The following UVRAG variants were observed in gnomAD, a reference collection of about 807,000 sequenced individuals.
UVRAG encodes the protein UV radiation resistance associated, also known as UV radiation resistance-associated gene protein.
Under a neutral mutation model 78.0 loss-of-function variants are expected in UVRAG, and 19 were observed. The observed-to-expected ratio is 0.24, with a 90% CI of 0.17 to 0.36. The LOEUF (loss-of-function observed/expected upper bound fraction) is 0.36. Ranked by LOEUF, UVRAG falls within the 10% of genes least tolerant of loss-of-function variation. UVRAG has a pLI of 1.00. For missense variants in UVRAG, 740 were observed against 853.8 expected, an observed-to-expected ratio of 0.87 and a Z score of 1.66; for synonymous variants, 323 against 324.6, an observed-to-expected ratio of 1.00 and a Z score of 0.05.
intron 14 of UVRAG, among the ~76,000 whole-genome samples, chr11:76,130,849 C>T (rs1005499343): frequency 6.6e-6 from 1 of 152,120 alleles, no homozygotes; most frequent in Non-Finnish European, 1.5e-5. Flanking sequence ...TTTAATTTCC[C>T]TATCGAGTTC....
chr11:76,137,436 TC>T, intron 14 of UVRAG: 1 of 456,296 alleles, frequency 2.2e-6, no homozygotes, highest in Non-Finnish European at 4.4e-6. Context: ...CTTTTCTTGT[TC>T]AACTTTTTTA....
intron 12 of UVRAG, among the ~76,000 whole-genome samples, chr11:76,056,984 T>A (rs910599172): frequency 6.6e-6 from 1 of 152,092 alleles, no homozygotes; most frequent in Non-Finnish European, 1.5e-5. Context: ...AAACAGAGAA[T>A]AGCAAGTTCA....
chr11:76,120,185 C>A (rs1419354669), intron 14 of UVRAG, among the ~76,000 whole-genome samples: 1 of 152,206 alleles, frequency 6.6e-6, no homozygotes, highest in East Asian at 1.9e-4. Flanking sequence ...AATGCAAATT[C>A]ATTTTAAGAA....
intron 2 of UVRAG, among the ~76,000 whole-genome samples, chr11:75,856,569 C>T (rs1424846769): frequency 4.6e-5 from 7 of 152,086 alleles, no homozygotes; most frequent in South Asian, 2.1e-4. Context: ...CTCAGCCTCC[C>T]GAGTAGCTGG....
chr11:75,865,811 C>T (rs887267185), intron 3 of UVRAG, among the ~76,000 whole-genome samples: 5 of 152,096 alleles, frequency 3.3e-5, no homozygotes, highest in East Asian at 1.9e-4. Context: ...GACAGGATTT[C>T]GCCATGTTGG....
chr11:75,930,345 T>G (rs928064528), intron 6 of UVRAG, among the ~76,000 whole-genome samples: 1 of 152,226 alleles, frequency 6.6e-6, no homozygotes, highest in African/African-American at 2.4e-5. Context: ...AATTCCTTTC[T>G]TTTTTGTTGA....
At chr11:76,086,920 T>C (rs1417314455) in intron 13 of UVRAG, among the ~76,000 whole-genome samples, 1 of 152,248 alleles carries the variant, frequency 6.6e-6, no homozygotes, top group Admixed American at 6.5e-5. Flanking sequence ...TGTTGCTGTT[T>C]ATAGCAAGAA....
intron 3 of UVRAG, chr11:75,878,540 G>T (rs1352426705): frequency 2.8e-5 from 5 of 180,920 alleles, no homozygotes; most frequent in African/African-American, 4.8e-5. Flanking sequence ...AGCGAGCCGA[G>T]ATCACGCCAC....
chr11:75,983,156 T>A (rs1466200544), intron 7 of UVRAG, among the ~76,000 whole-genome samples: 1 of 152,160 alleles, frequency 6.6e-6, no homozygotes, highest in Non-Finnish European at 1.5e-5. Flanking sequence ...TTGTGTAGTG[T>A]CTGTTGGGTC....
intron 14 of UVRAG, among the ~76,000 whole-genome samples, chr11:76,138,974 A>G (rs894796358): frequency 1.3e-5 from 2 of 152,252 alleles, no homozygotes; most frequent in African/African-American, 4.8e-5. Context: ...TATTAACTAT[A>G]AACCTAGATC....
Position 75,934,663 on chromosome 11 carries a change from A to G in UVRAG, c.593+22624A>G, listed in dbSNP as rs866820704. Among the ~76,000 whole-genome samples, 17 of 152,286 alleles carry G rather than the reference A, an allele frequency of 1.1e-4. No individual in the cohort carries two copies. The South Asian group carries it at 3.3e-3, about 30-fold the overall frequency. ...TGCCCACTAAAATTAAGAATAAAAA[A>G]TTTAAACAAATAATAACTCCCTAGT... On this transcript the variant is annotated intron_variant, in intron 6 of 14. Coordinates refer to ENST00000356136, the MANE Select transcript of UVRAG (RefSeq NM_003369.4).
chr11:76,021,408 C>T (rs1950244481), intron 12 of UVRAG, among the ~76,000 whole-genome samples: 2 of 152,074 alleles, frequency 1.3e-5, no homozygotes, highest in Admixed American at 6.5e-5. Context: ...CATTTTCTTT[C>T]TTCTTTTTCA....
intron 12 of UVRAG, among the ~76,000 whole-genome samples, chr11:76,018,876 G>T: frequency 6.6e-6 from 1 of 152,104 alleles, no homozygotes; most frequent in Middle Eastern, 3.2e-3. Context: ...CTTGAATATT[G>T]ATATTTTTTC....
At chr11:75,969,539 C>T (rs1043245930) in intron 7 of UVRAG, among the ~76,000 whole-genome samples, 3 of 152,096 alleles carry the variant, frequency 2.0e-5, no homozygotes, top group Non-Finnish European at 4.4e-5. Context: ...CATCTAGAAG[C>T]ATGCAGTAGG....
intron 4 of UVRAG, among the ~76,000 whole-genome samples, chr11:75,884,240 T>TCTCTCTCTCTCTC (rs1555080662): frequency 3.0e-5 from 4 of 132,456 alleles, no homozygotes; most frequent in African/African-American, 1.3e-4. Context: ...CTCTCTCTCT[T>TCTCTCTCTCTCTC]TCTCTCTCTC....
chr11:75,884,228 C>CTCTCTCTCTCTT (rs1407728325), intron 4 of UVRAG, among the ~76,000 whole-genome samples: 9 of 150,004 alleles, frequency 6.0e-5, no homozygotes, highest in Admixed American at 1.3e-4. Flanking sequence ...CTCTCTCTCT[C>CTCTCTCTCTCTT]TCTCTCTCTC....
At chr11:75,887,572 C>G (rs907486647) in intron 4 of UVRAG, among the ~76,000 whole-genome samples, 4 of 151,918 alleles carry the variant, frequency 2.6e-5, no homozygotes, top group African/African-American at 9.7e-5. Flanking sequence ...CTCAGCCTCC[C>G]GAGTAGCTGG....
intron 8 of UVRAG, among the ~76,000 whole-genome samples, chr11:75,998,873 C>A (rs1949756206): frequency 6.6e-6 from 1 of 152,180 alleles, no homozygotes; most frequent in Non-Finnish European, 1.5e-5. Flanking sequence ...TGTTCTTCTG[C>A]AGGTAATGTG....
In UVRAG at chr11:75,951,357, GTGTA is replaced by G. The variant is rs1273037688; in HGVS notation, c.594-10085_594-10082del. 2.3e-3 allele frequency among the ~76,000 whole-genome samples: 283 copies of G among 125,132 alleles called. 5 individuals are homozygous for G. The East Asian group carries it at 0.027, about 12-fold the overall frequency. The allele number at this position is 125,132 out of a possible 152,430, so 82.1% of individuals were successfully genotyped here. On this transcript the variant is annotated intron_variant, in intron 6 of 14. Transcript: ENST00000356136. ...TGTGTGTGTGTGTGTGTGTGTGTGT[GTGTA>G]TATATTTTTTGTTTGTTTGTTTGTT...
Sources: allele counts gnomAD v4.1 joint callset (sites outside exome capture counted in the v4.1 genomes callset), GRCh38; gene constraint gnomAD v4.1.1; transcripts MANE v1.5; gene names NCBI Gene and HGNC (gene_info 2026-07-23, HGNC 2026-07-21).